RBFOX3: variants seen among roughly 807,000 people sequenced by gnomAD.
RBFOX3 encodes the protein RNA binding protein fox-1 homolog 3.
RBFOX3 carries 17 observed loss-of-function variants against 48.7 expected under a neutral mutation model. The observed-to-expected ratio is 0.35, with a 90% confidence interval of 0.24 to 0.52. RBFOX3 has a LOEUF of 0.52. RBFOX3 is among the 20% of genes least tolerant of loss of function. The pLI is 0.94. For missense variants in RBFOX3, 382 were observed against 497.5 expected (o/e 0.77, Z 2.21); for synonymous variants, 212 against 209.5 (o/e 1.01, Z -0.10).
At chr17:79,330,457 T>A (rs112305657) in intron 2 of RBFOX3, among the ~76,000 whole-genome samples, 16 of 4,772 alleles carry the variant, frequency 3.4e-3, no homozygotes, top group Non-Finnish European at 6.7e-3. Flanking sequence ...CCTGTTGTGG[T>A]TTTTTTTCTT....
chr17:79,460,925 G>A (rs1555748373), intron 2 of RBFOX3, among the ~76,000 whole-genome samples: 1 of 152,172 alleles, frequency 6.6e-6, no homozygotes, highest in Non-Finnish European at 1.5e-5. Flanking sequence ...AACACAGAAT[G>A]GACTAAAACA....
intron 2 of RBFOX3, among the ~76,000 whole-genome samples, chr17:79,429,131 G>A (rs532745280): frequency 9.8e-5 from 15 of 152,318 alleles, no homozygotes; most frequent in Middle Eastern, 3.4e-3. Flanking sequence ...CTGTGCACAC[G>A]TGTGCAGAGG....
At chr17:79,127,901 G>A (rs1366423946) in intron 4 of RBFOX3, among the ~76,000 whole-genome samples, 1 of 152,250 alleles carries the variant, frequency 6.6e-6, no homozygotes, top group African/African-American at 2.4e-5. Flanking sequence ...CGGAGAGGCT[G>A]ACTTGCCCCT....
At chr17:79,308,717 C>G (rs2076413142) in intron 2 of RBFOX3, among the ~76,000 whole-genome samples, 1 of 152,134 alleles carries the variant, frequency 6.6e-6, no homozygotes, top group South Asian at 2.1e-4. Context: ...GTCTGTCTCT[C>G]TCTCTCTCCT....
chr17:79,438,357 C>T (rs1376067950), intron 2 of RBFOX3, among the ~76,000 whole-genome samples: 3 of 152,232 alleles, frequency 2.0e-5, no homozygotes, highest in African/African-American at 7.2e-5. Context: ...AAGTAAAACC[C>T]ACCCTGTTTT....
intron 2 of RBFOX3, among the ~76,000 whole-genome samples, chr17:79,360,399 T>C (rs1055960537): frequency 2.6e-5 from 4 of 152,106 alleles, no homozygotes; most frequent in Admixed American, 6.5e-5. Context: ...CGCCAACAGG[T>C]GCCACTGGAA....
In RBFOX3 at chr17:79,392,439, G is replaced by A. The variant is rs1470540095; in HGVS notation, c.-174-84615C>T. Among the ~76,000 whole-genome samples, 1 of 152,182 alleles carries A rather than the reference G, an allele frequency of 6.6e-6. No homozygotes were observed. The highest frequency in any genetic ancestry group is 6.5e-5 in the Admixed American group (1 of 15,284). On this transcript the variant is annotated intron_variant, in intron 2 of 14. Coordinates refer to ENST00000693108, the MANE Select transcript of RBFOX3 (RefSeq NM_001350451.2). This position sits in a 1 kb window ranked among gnomAD's most constrained non-coding sequence, Gnocchi z 5.0. ...GAGCGCAGGGCCCGGCCACTCACAG[G>A]TGCATGGTAATGTCGGTGGTACAGG... is the stretch of plus-strand genomic sequence containing the variant.
At chr17:79,274,664 C>T (rs989496338) in intron 3 of RBFOX3, among the ~76,000 whole-genome samples, 1 of 152,106 alleles carries the variant, frequency 6.6e-6, no homozygotes, top group Non-Finnish European at 1.5e-5. Flanking sequence ...AGGGTCCCCT[C>T]ATCCCCCAAG....
intron 3 of RBFOX3, among the ~76,000 whole-genome samples, chr17:79,239,186 T>C (rs1294818247): frequency 6.6e-6 from 1 of 152,116 alleles, no homozygotes; most frequent in Admixed American, 6.5e-5. Flanking sequence ...ACTCCCAGCA[T>C]TTTCTATGTC....
At chr17:79,376,329 G>T (rs145034242) in intron 2 of RBFOX3, among the ~76,000 whole-genome samples, 1 of 152,286 alleles carries the variant, frequency 6.6e-6, no homozygotes, top group African/African-American at 2.4e-5. Flanking sequence ...TCCTGAAGCT[G>T]CCTTCCCAGT....
chr17:79,641,490 C>G, the RBFOX3 span, among the ~76,000 whole-genome samples: 1 of 152,204 alleles, frequency 6.6e-6, no homozygotes, highest in Non-Finnish European at 1.5e-5. Flanking sequence ...AAAGAGACAA[C>G]TGCACCCCCA....
intron 2 of RBFOX3, among the ~76,000 whole-genome samples, chr17:79,372,230 C>T (rs1467824900): frequency 1.3e-5 from 2 of 151,992 alleles, no homozygotes; most frequent in Non-Finnish European, 2.9e-5. Flanking sequence ...GGCTCCCCAG[C>T]CTGTCCTATG....
chr17:79,327,946 G>A (rs969016058), intron 2 of RBFOX3, among the ~76,000 whole-genome samples: 22 of 152,082 alleles, frequency 1.4e-4, no homozygotes, highest in Non-Finnish European at 2.5e-4. Context: ...CACCTACCTC[G>A]GCCTCCCAAA....
chr17:79,093,268 G>T (rs1330300530), intron 14 of RBFOX3, among the ~76,000 whole-genome samples: 1 of 152,156 alleles, frequency 6.6e-6, no homozygotes, highest in African/African-American at 2.4e-5. Flanking sequence ...CTCTGAAGGG[G>T]CCTCCCACCC....
chr17:79,650,001 C>T, the RBFOX3 span, among the ~76,000 whole-genome samples: 4 of 152,168 alleles, frequency 2.6e-5, no homozygotes, highest in Admixed American at 2.0e-4. Context: ...GAGAAACCGG[C>T]CCCCTGATCC....
intron 4 of RBFOX3, among the ~76,000 whole-genome samples, chr17:79,143,747 C>T (rs1220238216): frequency 6.6e-6 from 1 of 152,222 alleles, no homozygotes; most frequent in Admixed American, 6.5e-5. Flanking sequence ...TGAGGCTGGG[C>T]ATGTTTTGGG....
rs749728913 is a variant in RBFOX3 at position 79,541,960 on chromosome 17, G to C, written c.-319-59362C>G. Among the ~76,000 whole-genome samples, 3 of 152,118 alleles carry C rather than the reference G, an allele frequency of 2.0e-5. No homozygotes were observed. In the East Asian group the frequency reaches 5.8e-4, roughly 30 times the overall value. Reference sequence around the variant, plus strand: ...CCAGGGTCCCCACGCACTGGCTGCCGGGGCCTTCCCTCGAGTGTTTCTTTT... The same window carrying C: ...CCAGGGTCCCCACGCACTGGCTGCCCGGGCCTTCCCTCGAGTGTTTCTTTT... On this transcript the variant is annotated intron_variant, in intron 1 of 14. Transcript: ENST00000693108.
At chr17:79,642,712 C>A in the RBFOX3 span, among the ~76,000 whole-genome samples, 17 of 151,956 alleles carry the variant, frequency 1.1e-4, no homozygotes, top group Admixed American at 1.1e-3. Context: ...ACAAAGTTAA[C>A]CACAAAGAAG....
At chr17:79,238,786 C>T (rs771552772) in intron 3 of RBFOX3, among the ~76,000 whole-genome samples, 5 of 152,152 alleles carry the variant, frequency 3.3e-5, no homozygotes, top group African/African-American at 4.8e-5. Context: ...TGTGTGAACC[C>T]GGGGTTGCAG....
Sources: gnomAD v4.1 joint callset for allele counts (sites outside exome capture counted in the v4.1 genomes callset) on GRCh38, gnomAD v4.1.1 for gene constraint, Gnocchi (gnomAD v3.1) non-coding constraint, MANE v1.5 for transcripts, NCBI Gene and HGNC (gene_info 2026-07-23, HGNC 2026-07-21) for gene names.